The following RNF111 variants were observed in gnomAD, a reference collection of about 807,000 sequenced individuals.
RNF111 encodes the protein E3 ubiquitin-protein ligase Arkadia.
In RNF111, 17 loss-of-function variants were observed where a neutral mutation model predicts 95.1. The observed-to-expected ratio is 0.18, with a 90% confidence interval of 0.12 to 0.27. RNF111 has a LOEUF of 0.27. Ranked by LOEUF, RNF111 falls within the 10% of genes least tolerant of loss-of-function variation. RNF111 has a pLI of 1.00. For synonymous variants in RNF111, 440 were observed against 414.8 expected, an observed-to-expected ratio of 1.06 and a Z score of -0.74; for missense variants, 1,189 against 1,210.4, an observed-to-expected ratio of 0.98 and a Z score of 0.26.
At chr15:59,009,084 C>A (rs904154223) in intron 1 of RNF111, among the ~76,000 whole-genome samples, 1 of 152,008 alleles carries the variant, frequency 6.6e-6, no homozygotes, top group Admixed American at 6.6e-5. Context: ...CTCAGCCTCC[C>A]GAGCAGCTGG....
intron 1 of RNF111, among the ~76,000 whole-genome samples, chr15:58,989,635 C>T (rs2038723590): frequency 6.6e-6 from 1 of 152,134 alleles, no homozygotes; most frequent in Non-Finnish European, 1.5e-5. Context: ...AACAAAGTGA[C>T]TTCATTTTGG....
intron 1 of RNF111, among the ~76,000 whole-genome samples, chr15:58,993,051 T>A (rs1443215784): frequency 2.6e-5 from 4 of 151,406 alleles, no homozygotes; most frequent in Non-Finnish European, 4.4e-5. Context: ...GTGCTTGTAA[T>A]CCCAGCTACT....
At chr15:59,017,640 G>A (rs908426586) in intron 1 of RNF111, among the ~76,000 whole-genome samples, 3 of 151,968 alleles carry the variant, frequency 2.0e-5, no homozygotes, top group Non-Finnish European at 2.9e-5. Context: ...AAATCTCTAA[G>A]AGTAGTTTGT....
In RNF111 at chr15:59,034,251, T is replaced by A. The variant is rs549158135; in HGVS notation, c.880+2549T>A. ...CTTTTGTCAGTGGATATTTGCTGCA[T>A]TGAGCAACATTGTGCTTGCGTTTTA... On this transcript the variant is annotated intron_variant, in intron 2 of 13. Coordinates refer to ENST00000348370, the MANE Select transcript of RNF111 (RefSeq NM_017610.8). Among the ~76,000 whole-genome samples, 343 of 152,330 alleles carry A rather than the reference T, an allele frequency of 2.3e-3. 4 individuals carry two copies. The highest frequency in any genetic ancestry group is 7.7e-3 in the African/African-American group (322 of 41,580).
Position 59,089,679 on chromosome 15 carries a change from G to A in RNF111, c.2563G>A (p.Ala855Thr). 2 of 1,612,866 alleles carry A rather than the reference G, an allele frequency of 1.2e-6. No homozygotes were observed. Among genetic ancestry groups the A allele is most frequent in the Non-Finnish European group, 1.7e-6 (2 of 1,179,398 alleles). Residue 855 changes from alanine to threonine, a missense_variant, in exon 11 of 14, where the codon GCA (alanine) becomes ACA (threonine). Ala to Thr is a moderately conservative substitution (Grantham distance 58, BLOSUM62 0). Transcript: ENST00000348370. ...TCTGTTGAAATAGGTTCCTGATATGGCAGGCTATCCTCACATCCGTTACAT... is the reference window on the plus strand; with the variant it reads ...TCTGTTGAAATAGGTTCCTGATATGACAGGCTATCCTCACATCCGTTACAT... ...GALPLMVPDM[A>T]GYPHIRYISS... is the part of the protein sequence containing the mutation.
In RNF111 at chr15:59,067,031, T is replaced by A. The variant is rs767294754; in HGVS notation, c.1634T>A (p.Val545Glu). ...PACPVERPPQ[V>E]QAPCGANSSS... ...TGCCCTGTGGAAAGACCTCCACAAG[T>A]ACAAGCACCTTGTGGAGCAAATAGT... Residue 545 changes from valine to glutamate, a missense_variant, in exon 6 of 14, where the codon GTA (valine) becomes GAA (glutamate). By Grantham distance (121) the Val-to-Glu change is moderately radical. This residue lies in a region of RNF111 where 1,024 missense variants were observed against 925.9 expected (regional missense o/e 1.11). Coordinates refer to ENST00000348370, the MANE Select transcript of RNF111 (RefSeq NM_017610.8). The A allele has an allele frequency of 6.2e-7, 1 of 1,614,122 alleles. No individual in the cohort carries two copies. Among genetic ancestry groups the A allele is most frequent in the East Asian group, 2.2e-5 (1 of 44,886 alleles).
At position 59,056,497 on chromosome 15, in the gene RNF111, T is replaced by C. The variant is rs1285781308; in HGVS notation, c.1171+652T>C. Among the ~76,000 whole-genome samples, 2 of 152,208 alleles carry C rather than the reference T, an allele frequency of 1.3e-5. 1 individual carries two copies. Among genetic ancestry groups the C allele is most frequent in the Non-Finnish European group, 2.9e-5 (2 of 68,028 alleles). On this transcript the variant is annotated intron_variant, in intron 4 of 13. Coordinates refer to ENST00000348370, the MANE Select transcript of RNF111 (RefSeq NM_017610.8). ...TCTTAGGAAATGGTCACTCATAATT[T>C]CCCAAAAGGAAAATGGTAAGCCATA...
chr15:59,001,292 A>G (rs1316510372), intron 1 of RNF111, among the ~76,000 whole-genome samples: 1 of 152,114 alleles, frequency 6.6e-6, no homozygotes, highest in East Asian at 1.9e-4. Flanking sequence ...CAGTTATATG[A>G]AATATTTACA....
chr15:59,020,143 TTAGA>T (rs1245604419), intron 1 of RNF111, among the ~76,000 whole-genome samples: 1 of 148,580 alleles, frequency 6.7e-6, no homozygotes. Context: ...TTTATATATG[TTAGA>T]TATATAAAAT....
chr15:59,010,467 T>C (rs1203077876), intron 1 of RNF111, among the ~76,000 whole-genome samples: 3 of 152,062 alleles, frequency 2.0e-5, no homozygotes, highest in Non-Finnish European at 2.9e-5. Context: ...AGTGGTGTGA[T>C]CTCAGCTCAC....
At chr15:59,079,111 G>A (rs746992011) in intron 7 of RNF111, among the ~76,000 whole-genome samples, 9 of 152,178 alleles carry the variant, frequency 5.9e-5, no homozygotes, top group Admixed American at 2.0e-4. Context: ...TCTTAAAATG[G>A]TCAGCAACCT....
chr15:59,014,494 A>G (rs1235295033), intron 1 of RNF111, among the ~76,000 whole-genome samples: 2 of 152,180 alleles, frequency 1.3e-5, no homozygotes, highest in African/African-American at 2.4e-5. Context: ...GGCAGTATCT[A>G]TGTGTTGACT....
At chr15:58,990,424 C>G (rs141074666) in intron 1 of RNF111, among the ~76,000 whole-genome samples, 139 of 152,236 alleles carry the variant, frequency 9.1e-4, no homozygotes, top group African/African-American at 3.0e-3. Context: ...CTTTGGGAGG[C>G]CAAGGCGGGC....
At chr15:59,094,732 T>A in intron 13 of RNF111, 51 bp from the exon 14 acceptor site, 1 of 995,504 alleles carries the variant, frequency 1.0e-6, no homozygotes. Context: ...GTTAACTACG[T>A]ACAATTATCA....
intron 1 of RNF111, among the ~76,000 whole-genome samples, chr15:59,001,138 G>A (rs1437094345): frequency 6.6e-6 from 1 of 152,164 alleles, no homozygotes; most frequent in Non-Finnish European, 1.5e-5. Flanking sequence ...TTATCTGGGG[G>A]AAGAGCATTC....
chr15:59,037,316 A>G (rs2041227578), intron 2 of RNF111, among the ~76,000 whole-genome samples: 1 of 152,192 alleles, frequency 6.6e-6, no homozygotes, highest in Non-Finnish European at 1.5e-5. Flanking sequence ...AGTGAGGCTG[A>G]TAATTTATAC....
chr15:59,031,009 G>A lies in RNF111; in HGVS notation c.187G>A (p.Glu63Lys). The A allele has an allele frequency of 1.2e-6, 2 of 1,614,202 alleles. No individual in the cohort carries two copies. The highest frequency in any genetic ancestry group is 1.6e-4 in the Middle Eastern group (1 of 6,062). The change falls in exon 2 of 14, where the codon GAA (glutamate) becomes AAA (lysine). Residue 63 changes from glutamate (E) to lysine (K), a missense_variant. Coordinates refer to ENST00000348370, the MANE Select transcript of RNF111 (RefSeq NM_017610.8). ...VEMINSKVGN[E>K]FSHLCDDSQK... ...GATGATTAATAGTAAAGTGGGGAAT[G>A]AATTCTCTCACCTGTGTGATGATTC...
intron 1 of RNF111, among the ~76,000 whole-genome samples, chr15:59,023,907 G>C (rs2040469918): frequency 6.6e-6 from 1 of 152,118 alleles, no homozygotes; most frequent in Non-Finnish European, 1.5e-5. Flanking sequence ...CATGAAGAGT[G>C]ATCTTAATAG....
chr15:59,032,302 A>AT (rs1348940075), intron 2 of RNF111, among the ~76,000 whole-genome samples: 1 of 151,866 alleles, frequency 6.6e-6, no homozygotes, highest in African/African-American at 2.4e-5. Flanking sequence ...TATGGTACAC[A>AT]TTTTTTTCCT....
Sources: allele counts gnomAD v4.1 joint callset (sites outside exome capture counted in the v4.1 genomes callset), GRCh38; gene constraint gnomAD v4.1.1; regional missense constraint gnomAD v4.1.1; transcripts MANE v1.5; gene names NCBI Gene and HGNC (gene_info 2026-07-23, HGNC 2026-07-21).